Variants in CPEB2 observed in about 807,000 individuals in gnomAD.
The protein encoded by CPEB2 is cytoplasmic polyadenylation element-binding protein 2.
In CPEB2, 56 loss-of-function variants were observed where a neutral mutation model predicts 93.6. That is an observed-to-expected ratio of 0.60 (90% CI 0.48 to 0.75). The LOEUF (loss-of-function observed/expected upper bound fraction) is 0.75. Ranked by LOEUF, CPEB2 falls within the 30% of genes least tolerant of loss-of-function variation. CPEB2 has a pLI of 0.00. For missense variants in CPEB2, 1,579 were observed against 1,395.1 expected (o/e 1.13, Z -2.10); for synonymous variants, 764 against 586.3 (o/e 1.30, Z -4.38).
intron 4 of CPEB2, among the ~76,000 whole-genome samples, chr4:15,025,946 A>G (rs1725404424): frequency 6.6e-6 from 1 of 152,102 alleles, no homozygotes; most frequent in African/African-American, 2.4e-5. Context: ...TAATGGGGTT[A>G]TGCCTCTTTA....
In CPEB2 at chr4:15,002,969, TG is replaced by T. The variant is rs1184164468; in HGVS notation, c.300del (p.Leu101Ter). 2.0e-6 allele frequency: 3 copies of T among 1,509,884 alleles called. No individual in the cohort carries two copies. In the South Asian group the frequency reaches 3.7e-5, roughly 19 times the overall value. 93.5% of individuals were successfully genotyped at this position (1,509,884 alleles called of 1,614,324 possible). A position where few individuals can be genotyped will look rare whatever the true frequency, so the allele number is the denominator to read the frequency against. On this transcript the variant is annotated frameshift_variant, in exon 1 of 12. Transcript: ENST00000538197. LOFTEE classifies it high-confidence loss of function. ...HQQTMQDELL[L>X]GLTQQPARPL... ...CAGACCATGCAGGATGAGCTGCTTC[TG>T]GGGCTGACACAGCAGCCGGCGCGGC...
intron 4 of CPEB2, among the ~76,000 whole-genome samples, chr4:15,019,653 T>A (rs1402012216): frequency 7.9e-5 from 12 of 152,162 alleles, no homozygotes; most frequent in Non-Finnish European, 1.5e-4. Context: ...AATATTATTT[T>A]ATCCTTTTTA....
At chr4:15,004,398 C>A in intron 1 of CPEB2, 63 bp downstream of exon 1, 1 of 1,254,968 alleles carries the variant, frequency 8.0e-7, no homozygotes, top group Non-Finnish European at 1.0e-6. Context: ...GGGACGGAGG[C>A]GGGGGCAGGG....
At chr4:15,048,174 G>A (rs576658729) in intron 6 of CPEB2, among the ~76,000 whole-genome samples, 30 of 151,768 alleles carry the variant, frequency 2.0e-4, no homozygotes, top group Non-Finnish European at 4.0e-4. Context: ...GTTCATGAGG[G>A]ATATTGGTAT....
Position 15,002,588 on chromosome 4 carries a change from C to T in CPEB2, c.-86C>T, listed in dbSNP as rs1722093177. On this transcript the variant is annotated 5_prime_UTR_variant, in exon 1 of 12. Transcript: ENST00000538197. ...TCTCACTGACTCCCCCTCCTTCCAC[C>T]ACGGCCGCGCAACCCCAGCGCCGGC... 1 of 1,175,512 alleles carries T rather than the reference C, an allele frequency of 8.5e-7. No individual in the cohort carries two copies. The allele number at this position is 1,175,512 out of a possible 1,614,324, so 72.8% of individuals were successfully genotyped here. A position where few individuals can be genotyped will look rare whatever the true frequency, so the allele number is the denominator to read the frequency against.
chr4:15,006,738 A>G (rs1336952020), intron 1 of CPEB2, among the ~76,000 whole-genome samples: 1 of 152,236 alleles, frequency 6.6e-6, no homozygotes, highest in African/African-American at 2.4e-5. Context: ...AGTTAAATAA[A>G]CAATGCAGAA....
intron 8 of CPEB2, among the ~76,000 whole-genome samples, chr4:15,058,170 C>G (rs1728879798): frequency 6.6e-6 from 1 of 152,116 alleles, no homozygotes; most frequent in South Asian, 2.1e-4. Context: ...GAATCAAATA[C>G]TAATGCATGT....
At position 15,003,079 on chromosome 4, in the gene CPEB2, C is replaced by G. The variant is rs1003366790; in HGVS notation, c.406C>G (p.Pro136Ala). The change falls in exon 1 of 12, where the codon CCC becomes GCC. Residue 136 changes from proline to alanine, a missense_variant. Physicochemically the swap from Pro to Ala is conservative, Grantham distance 27 (BLOSUM62 -1). Around this residue, in one of 2 missense-constraint regions of CPEB2, gnomAD observed 1,411 missense variants for 1,056.0 expected, o/e 1.34. Coordinates refer to ENST00000538197, the MANE Select transcript of CPEB2 (RefSeq NM_001177382.2). ...GATCGCGGGTGTGACCCACCTCCTC[C>G]CCTCCCAGGACTTCAAACCGAGTCT... ...GTIAGVTHLLPSQDFKPSLHH... is the reference protein window; with the variant it reads ...GTIAGVTHLLASQDFKPSLHH... The G allele has an allele frequency of 4.6e-5, 70 of 1,529,156 alleles. No homozygotes were observed. Among genetic ancestry groups the G allele is most frequent in the Non-Finnish European group, 5.6e-5 (64 of 1,144,778 alleles). 94.7% of individuals were successfully genotyped at this position (1,529,156 alleles called of 1,614,324 possible).
rs1041967172 is a variant in CPEB2 at position 15,066,526 on chromosome 4, A to C, written c.*146A>C. Reference sequence around the variant, plus strand: ...ATACATGCATCTTTATCAGCAGCCAAAACACTACAAGCCTCTTGTTTTTCA... The same window carrying C: ...ATACATGCATCTTTATCAGCAGCCACAACACTACAAGCCTCTTGTTTTTCA... On this transcript the variant is annotated 3_prime_UTR_variant, in exon 12 of 12. Coordinates refer to ENST00000538197, the MANE Select transcript of CPEB2 (RefSeq NM_001177382.2). The C allele has an allele frequency of 9.7e-6, 6 of 619,346 alleles. No individual in the cohort carries two copies. The African/African-American group carries it at 1.1e-4, about 11-fold the overall frequency. 38.4% of individuals were successfully genotyped at this position (619,346 alleles called of 1,614,324 possible).
At chr4:15,018,122 T>C (rs1724381452) in intron 4 of CPEB2, among the ~76,000 whole-genome samples, 1 of 151,916 alleles carries the variant, frequency 6.6e-6, no homozygotes, top group African/African-American at 2.4e-5. Context: ...TATTTTATTC[T>C]GGCTCAAAAT....
Position 15,003,577 on chromosome 4 carries a change from GCCT to G in CPEB2, c.909_911del (p.Ser304del). On this transcript the variant is annotated inframe_deletion, in exon 1 of 12. Coordinates refer to ENST00000538197, the MANE Select transcript of CPEB2 (RefSeq NM_001177382.2). ...CGCCGAGTCCCCCAATGCGGGCTTGGCCTCCTCGACGCCGGTGAACCCCGCGCC... is the reference window on the plus strand; with the variant it reads ...CGCCGAGTCCCCCAATGCGGGCTTGGCCTCGACGCCGGTGAACCCCGCGCC... 6.8e-7 allele frequency: 1 copy of G among 1,474,644 alleles called. No homozygotes were observed. Among genetic ancestry groups the G allele is most frequent in the South Asian group, 1.3e-5 (1 of 78,684 alleles). 91.3% of individuals were successfully genotyped at this position (1,474,644 alleles called of 1,614,324 possible).
At chr4:15,048,552 GTTGA>G (rs879566348) in intron 6 of CPEB2, among the ~76,000 whole-genome samples, 38 of 152,058 alleles carry the variant, frequency 2.5e-4, no homozygotes, top group Non-Finnish European at 4.6e-4. Context: ...TAAGTTCTGT[GTTGA>G]TTGATGTCTC....
Position 15,069,462 on chromosome 4 carries a change from A to G in CPEB2, c.*3082A>G, listed in dbSNP as rs1166358322. 3 of 152,258 alleles carry G rather than the reference A, an allele frequency of 2.0e-5. No individual in the cohort carries two copies. Among genetic ancestry groups the G allele is most frequent in the Non-Finnish European group, 4.4e-5 (3 of 67,832 alleles). 9.4% of individuals were successfully genotyped at this position (152,258 alleles called of 1,614,324 possible). On this transcript the variant is annotated 3_prime_UTR_variant, in exon 12 of 12. Coordinates refer to ENST00000538197, the MANE Select transcript of CPEB2 (RefSeq NM_001177382.2). ...AAAAGATACCCCTTTTGTCATTGCA[A>G]CTATTTTTTAAATCCAGAAATCTTT...
In CPEB2 at chr4:15,024,894, C is replaced by T. The variant is rs372789292; in HGVS notation, c.2125+7616C>T. The stretch of plus-strand genomic sequence containing the variant: ...CCAAGTAGCTGGGATTACAGGTGTC[C>T]ACCACCAGGCCTGGCTAATTTTTGT... On this transcript the variant is annotated intron_variant, in intron 4 of 11. Coordinates refer to ENST00000538197, the MANE Select transcript of CPEB2 (RefSeq NM_001177382.2). Among the ~76,000 whole-genome samples, 354 of 151,822 alleles carry T rather than the reference C, an allele frequency of 2.3e-3. 3 individuals are homozygous for T. Among genetic ancestry groups the T allele is most frequent in the South Asian group, 0.018 (87 of 4,804 alleles).
intron 10 of CPEB2, 27 bp downstream of exon 10, chr4:15,059,328 T>TA (rs556804440): frequency 3.4e-5 from 48 of 1,426,078 alleles, no homozygotes; most frequent in South Asian, 2.9e-4. Context: ...CAATTTTGTT[T>TA]AAAAAAATCA....
At chr4:15,034,548 A>G (rs1161976792) in intron 5 of CPEB2, among the ~76,000 whole-genome samples, 1 of 152,162 alleles carries the variant, frequency 6.6e-6, no homozygotes, top group African/African-American at 2.4e-5. Flanking sequence ...TGGGGCCACA[A>G]TGCATACTCA....
In CPEB2 at chr4:15,065,928, A is replaced by G. The variant is rs188843099; in HGVS notation, c.2878-225A>G. Among the ~76,000 whole-genome samples, 301 of 148,528 alleles carry G rather than the reference A, an allele frequency of 2.0e-3. 2 individuals carry two copies. The highest frequency in any genetic ancestry group is 0.014 in the Middle Eastern group (4 of 294). On this transcript the variant is annotated intron_variant, in intron 11 of 11. Coordinates refer to ENST00000538197, the MANE Select transcript of CPEB2 (RefSeq NM_001177382.2). Reference sequence around the variant, plus strand: ...ATACCAGCACACAGGTGTTTCAAAGATGTTATTCAAGAAAGGTGAGAGTGG... The same window carrying G: ...ATACCAGCACACAGGTGTTTCAAAGGTGTTATTCAAGAAAGGTGAGAGTGG...
chr4:15,002,950 A>G lies in CPEB2; in HGVS notation c.277A>G (p.Met93Val), dbSNP rs1337659864. The G allele has an allele frequency of 5.9e-6, 9 of 1,513,652 alleles. No homozygotes were observed. In the African/African-American group the frequency reaches 1.0e-4, roughly 17 times the overall value. 93.8% of individuals were successfully genotyped at this position (1,513,652 alleles called of 1,614,324 possible). A position where few individuals can be genotyped will look rare whatever the true frequency, so the allele number is the denominator to read the frequency against. Residue 93 changes from methionine to valine, a missense_variant, in exon 1 of 12, where the codon ATG becomes GTG. Physicochemically the swap from Met to Val is conservative, Grantham distance 21 (BLOSUM62 1). Transcript: ENST00000538197. ...SSPFLAHQQT[M>V]QDELLLGLTQ... ...CCCGTTCCTGGCGCATCAGCAGACC[A>G]TGCAGGATGAGCTGCTTCTGGGGCT...
rs532226766 is a variant in CPEB2, at chr4:15,054,260, A to G, written c.2461+43A>G. The G allele has an allele frequency of 5.8e-6, 8 of 1,387,846 alleles. No homozygotes were observed. The African/African-American group carries it at 1.0e-4, about 17-fold the overall frequency. 86.0% of individuals were successfully genotyped at this position (1,387,846 alleles called of 1,614,324 possible). On this transcript the variant is annotated intron_variant, in intron 8 of 11. Coordinates refer to ENST00000538197, the MANE Select transcript of CPEB2 (RefSeq NM_001177382.2). ...TAATATTTGCTAGGAAATTGGTTGT[A>G]TGAGAGCAAAAGAAAGAATAGCAAT... is the stretch of plus-strand genomic sequence containing the variant.
Sources: allele counts gnomAD v4.1 joint callset (sites outside exome capture counted in the v4.1 genomes callset), GRCh38; gene constraint gnomAD v4.1.1; regional missense constraint gnomAD v4.1.1; transcripts MANE v1.5; gene names NCBI Gene and HGNC (gene_info 2026-07-23, HGNC 2026-07-21).